Variants in CNIH3 observed in about 807,000 individuals in gnomAD.
CNIH3 encodes protein cornichon homolog 3.
In CNIH3, 14 loss-of-function variants were observed where a neutral mutation model predicts 24.1. That is an observed-to-expected ratio of 0.58 (90% CI 0.38 to 0.91). The LOEUF (loss-of-function observed/expected upper bound fraction) is 0.91, where lower values mean the gene tolerates loss of function less well. Ranked by LOEUF, CNIH3 falls within the 40% of genes least tolerant of loss-of-function variation. The probability of loss-of-function intolerance (pLI) is 0.00; values close to 1 mark genes in which losing one functional copy is unlikely to be tolerated. For synonymous variants in CNIH3, 68 were observed against 73.8 expected, an observed-to-expected ratio of 0.92 and a Z score of 0.40; for missense variants, 178 against 196.8, an observed-to-expected ratio of 0.90 and a Z score of 0.57.
At chr1:224,467,335 C>T (rs1676188537) in intron 1 of CNIH3, among the ~76,000 whole-genome samples, 2 of 151,942 alleles carry the variant, frequency 1.3e-5, no homozygotes, top group East Asian at 1.9e-4. Flanking sequence ...ATGCCTGGCT[C>T]TTTTCATTCT....
chr1:224,665,628 A>T (rs990129528), intron 1 of CNIH3, among the ~76,000 whole-genome samples: 1 of 152,104 alleles, frequency 6.6e-6, no homozygotes, highest in East Asian at 1.9e-4. Context: ...GATTCTTTGT[A>T]TGTGTTCTTT....
chr1:224,553,747 T>C (rs1680022483), intron 3 of CNIH3, among the ~76,000 whole-genome samples: 1 of 81,364 alleles, frequency 1.2e-5, no homozygotes, highest in South Asian at 5.3e-4. Flanking sequence ...TCTTTCTTTC[T>C]TTTTTTTTTT....
chr1:224,577,716 G>C (rs1277555200), intron 4 of CNIH3, among the ~76,000 whole-genome samples: 3 of 152,102 alleles, frequency 2.0e-5, no homozygotes, highest in Non-Finnish European at 4.4e-5. Context: ...CCACTACTGG[G>C]TATCTACCCA....
At chr1:224,542,177 A>T (rs1679536048), downstream of CNIH3, among the ~76,000 whole-genome samples, 1 of 152,198 alleles carries the variant, frequency 6.6e-6, no homozygotes, top group African/African-American at 2.4e-5. Flanking sequence ...GCTTCTATGC[A>T]TCATCAATTC....
intron 3 of CNIH3, among the ~76,000 whole-genome samples, chr1:224,696,124 C>T (rs112098161): frequency 3.8e-4 from 58 of 152,206 alleles, no homozygotes; most frequent in Middle Eastern, 3.4e-3. Flanking sequence ...GGGTGGGACT[C>T]GGCCTCACAA....
At chr1:224,662,260 A>G (rs1447454006) in intron 1 of CNIH3, among the ~76,000 whole-genome samples, 3 of 152,188 alleles carry the variant, frequency 2.0e-5, no homozygotes, top group Admixed American at 6.5e-5. Flanking sequence ...CATTTTTAGC[A>G]GTCTAGATTA....
At chr1:224,437,412 C>T (rs1475468185) in intron 1 of CNIH3, among the ~76,000 whole-genome samples, 1 of 152,142 alleles carries the variant, frequency 6.6e-6, no homozygotes, top group Non-Finnish European at 1.5e-5. Context: ...TCACATTTCT[C>T]ACCTTTTTTC....
At chr1:224,578,137 G>A (rs1286879467) in intron 4 of CNIH3, among the ~76,000 whole-genome samples, 1 of 151,908 alleles carries the variant, frequency 6.6e-6, no homozygotes, top group Non-Finnish European at 1.5e-5. Flanking sequence ...CATGCACCCA[G>A]ACACCACCTC....
At chr1:224,568,943 G>T (rs1680701368) in intron 4 of CNIH3, among the ~76,000 whole-genome samples, 1 of 152,030 alleles carries the variant, frequency 6.6e-6, no homozygotes, top group Non-Finnish European at 1.5e-5. Context: ...AGCGATCTCG[G>T]CTCACTGCAA....
intron 3 of CNIH3, among the ~76,000 whole-genome samples, chr1:224,729,727 A>T (rs1234632073): frequency 6.6e-6 from 1 of 152,042 alleles, no homozygotes; most frequent in Non-Finnish European, 1.5e-5. Context: ...CAGCTTTTCA[A>T]TGATTTTAAG....
chr1:224,542,774 C>G (rs1444613089), intron 2 of CNIH3, among the ~76,000 whole-genome samples: 1 of 152,206 alleles, frequency 6.6e-6, no homozygotes, highest in Non-Finnish European at 1.5e-5. Flanking sequence ...CTTGCCTCTT[C>G]TCGTCAACCC....
Position 224,686,987 on chromosome 1 carries a change from C to T in CNIH3, c.198+2144C>T, listed in dbSNP as rs1686693522. Among the ~76,000 whole-genome samples, 5 of 152,306 alleles carry T rather than the reference C, an allele frequency of 3.3e-5. No homozygotes were observed. In the South Asian group the frequency reaches 8.3e-4, roughly 25 times the overall value. ...TTTCATTTGTACATGCTCCTTTTTC[C>T]CACGCCACTGCCTCTGCTGCAGCTT... On this transcript the variant is annotated intron_variant, in intron 3 of 5. Coordinates refer to ENST00000272133, the MANE Select transcript of CNIH3 (RefSeq NM_152495.2).
At chr1:224,580,796 ACT>A (rs1681241463) in intron 4 of CNIH3, among the ~76,000 whole-genome samples, 1 of 145,698 alleles carries the variant, frequency 6.9e-6, no homozygotes. Context: ...ACAGAGCGAG[ACT>A]CTGTCTCAAA....
upstream of CNIH3, among the ~76,000 whole-genome samples, chr1:224,611,978 T>C (rs1007474238): frequency 6.6e-6 from 1 of 152,222 alleles, no homozygotes; most frequent in Non-Finnish European, 1.5e-5. Context: ...TGCCGAGATA[T>C]TGTTCTGTAA....
chr1:224,489,656 C>CTAT (rs1302332050), intron 1 of CNIH3, among the ~76,000 whole-genome samples: 2 of 152,312 alleles, frequency 1.3e-5, no homozygotes, highest in South Asian at 2.1e-4. Flanking sequence ...CTGATAGGAG[C>CTAT]TATTAATACA....
intron 3 of CNIH3, among the ~76,000 whole-genome samples, chr1:224,564,305 A>T (rs1385456354): frequency 6.6e-6 from 1 of 152,232 alleles, no homozygotes; most frequent in Admixed American, 6.5e-5. Flanking sequence ...AGTTTGAACT[A>T]TATCTCTGGT....
intron 3 of CNIH3, among the ~76,000 whole-genome samples, chr1:224,705,363 C>T (rs1055895905): frequency 1.3e-5 from 2 of 152,232 alleles, no homozygotes; most frequent in South Asian, 2.1e-4. Flanking sequence ...AACAGGAAGC[C>T]GGGCGCTGGC....
chr1:224,695,365 C>T (rs929567128), intron 3 of CNIH3, among the ~76,000 whole-genome samples: 6 of 92,864 alleles, frequency 6.5e-5, no homozygotes, highest in African/African-American at 2.5e-4. Context: ...TAAACACACA[C>T]ACACACACAC....
rs12038411 is a variant in CNIH3, at chr1:224,507,257, C to T, written n.204-8484C>T. Among the ~76,000 whole-genome samples, 6,926 of 152,172 alleles carry T rather than the reference C, an allele frequency of 0.046. 893 individuals are homozygous for T. In the East Asian group the frequency reaches 0.52, roughly 11 times the overall value. On this transcript the variant is annotated intron_variant and non_coding_transcript_variant, in intron 1 of 5. Transcript: ENST00000471578. ...TAGCAACCCAGAAAAGAGCGGTGCA[C>T]GAGGCCAGGTGTTGTTAAGACACAG...
Sources: allele counts gnomAD v4.1 joint callset (sites outside exome capture counted in the v4.1 genomes callset), GRCh38; gene constraint gnomAD v4.1.1; transcripts MANE v1.5; gene names NCBI Gene and HGNC (gene_info 2026-07-23, HGNC 2026-07-21).